Variants in ZFHX3 observed in about 807,000 individuals in gnomAD.
ZFHX3 encodes the protein zinc finger homeobox protein 3.
In ZFHX3, 42 loss-of-function variants were observed where a neutral mutation model predicts 279.1. The ratio of observed to expected loss-of-function variants is 0.15; its 90% CI spans 0.12 to 0.19. The LOEUF (loss-of-function observed/expected upper bound fraction) is 0.19, where lower values mean the gene tolerates loss of function less well. Among genes scored for constraint, ZFHX3 ranks in the 10% least tolerant of loss-of-function variants. The probability of loss-of-function intolerance (pLI) is 1.00; values close to 1 mark genes in which losing one functional copy is unlikely to be tolerated. For missense variants in ZFHX3, 4,981 were observed against 4,754.0 expected, an observed-to-expected ratio of 1.05 and a Z score of -1.40; for synonymous variants, 2,293 against 1,957.8, an observed-to-expected ratio of 1.17 and a Z score of -4.52.
At chr16:73,665,811 T>A (rs1196025875) in intron 2 of ZFHX3, among the ~76,000 whole-genome samples, 1 of 2,244 alleles carries the variant, frequency 4.5e-4, no homozygotes, top group African/African-American at 1.4e-3. Flanking sequence ...TCAATAACTT[T>A]TTTTTTTTTT....
At chr16:73,512,451 G>GA (rs11455796) in intron 2 of ZFHX3, among the ~76,000 whole-genome samples, 61,260 of 105,136 alleles carry the variant, frequency 0.58, 15,861 homozygotes, top group East Asian at 0.78. Context: ...CGTCTCAAAA[G>GA]AAAAAAAAAA....
intron 5 of ZFHX3, among the ~76,000 whole-genome samples, chr16:73,190,826 G>C (rs566495974): frequency 6.6e-6 from 1 of 152,120 alleles, no homozygotes; most frequent in Middle Eastern, 3.2e-3. Context: ...GATTATGTGT[G>C]GGGGAGAGCA....
At chr16:72,909,157 G>A (rs2039257925) in intron 3 of ZFHX3, among the ~76,000 whole-genome samples, 1 of 152,192 alleles carries the variant, frequency 6.6e-6, no homozygotes, top group Non-Finnish European at 1.5e-5. Context: ...GGAGAATAAT[G>A]TCTTAGTCCC....
At chr16:73,861,932 G>T (rs893832959) in intron 1 of ZFHX3, among the ~76,000 whole-genome samples, 12 of 152,164 alleles carry the variant, frequency 7.9e-5, no homozygotes, top group Admixed American at 2.0e-4. Flanking sequence ...TTGTCGAGAG[G>T]ACTTCTGCAG....
intron 1 of ZFHX3, among the ~76,000 whole-genome samples, chr16:72,990,237 G>T (rs1056781573): frequency 6.6e-6 from 1 of 152,176 alleles, no homozygotes; most frequent in Admixed American, 6.5e-5. Context: ...ACTGTCACTT[G>T]GCAATTTCTG....
chr16:73,644,614 T>C (rs966695203), intron 2 of ZFHX3, among the ~76,000 whole-genome samples: 8 of 152,154 alleles, frequency 5.3e-5, no homozygotes, highest in East Asian at 3.9e-4. Context: ...TGAGCCGAGA[T>C]TGTGCCACTG....
chr16:73,476,109 T>A (rs919634221), intron 2 of ZFHX3, among the ~76,000 whole-genome samples: 1 of 152,202 alleles, frequency 6.6e-6, no homozygotes, highest in Non-Finnish European at 1.5e-5. Flanking sequence ...TAACGTTCAT[T>A]GTTTTCCTGT....
chr16:72,984,556 G>C (rs1005749697), intron 1 of ZFHX3, among the ~76,000 whole-genome samples: 1 of 151,272 alleles, frequency 6.6e-6, no homozygotes, highest in Non-Finnish European at 1.5e-5. Flanking sequence ...AGCTCAAGAG[G>C]TTGAGGCTGC....
At chr16:72,939,026 G>C (rs894282026) in intron 3 of ZFHX3, among the ~76,000 whole-genome samples, 1 of 133,836 alleles carries the variant, frequency 7.5e-6, no homozygotes, top group African/African-American at 2.9e-5. Context: ...CATAGCCCTG[G>C]GACCCGCGCC....
chr16:72,828,268 A>T (rs1213731158), intron 5 of ZFHX3, among the ~76,000 whole-genome samples: 1 of 152,226 alleles, frequency 6.6e-6, no homozygotes, highest in Non-Finnish European at 1.5e-5. Flanking sequence ...AGGTTGACCA[A>T]ATAAAATCAT....
At chr16:73,443,267 T>C (rs1224217519) in intron 3 of ZFHX3, among the ~76,000 whole-genome samples, 1 of 152,160 alleles carries the variant, frequency 6.6e-6, no homozygotes, top group African/African-American at 2.4e-5. Context: ...TTGTAAAGAT[T>C]TGAAGAGCAA....
chr16:73,146,676 A>T (rs566053407), intron 5 of ZFHX3, among the ~76,000 whole-genome samples: 1 of 151,896 alleles, frequency 6.6e-6, no homozygotes, highest in African/African-American at 2.4e-5. Flanking sequence ...TATTATTATT[A>T]TTTTTTGAGA....
intron 2 of ZFHX3, among the ~76,000 whole-genome samples, chr16:73,593,404 A>G (rs2052018507): frequency 6.6e-6 from 1 of 152,202 alleles, no homozygotes; most frequent in Non-Finnish European, 1.5e-5. Context: ...AGCAACAAAT[A>G]AAAATGATAA....
intron 4 of ZFHX3, among the ~76,000 whole-genome samples, chr16:72,849,048 T>G (rs2037547579): frequency 6.6e-6 from 1 of 151,988 alleles, no homozygotes; most frequent in Non-Finnish European, 1.5e-5. Flanking sequence ...TCTAGCAAAA[T>G]TTTTCTTCCT....
At chr16:73,871,734 T>C (rs1454555162) in intron 1 of ZFHX3, among the ~76,000 whole-genome samples, 1 of 149,502 alleles carries the variant, frequency 6.7e-6, no homozygotes, top group Non-Finnish European at 1.5e-5. Flanking sequence ...AATCCCTCTT[T>C]AAAAAAAAAA....
intron 8 of ZFHX3, among the ~76,000 whole-genome samples, chr16:73,079,231 A>G (rs1459623586): frequency 6.6e-6 from 1 of 151,716 alleles, no homozygotes; most frequent in Non-Finnish European, 1.5e-5. Context: ...CTCTTATTAA[A>G]TTTATTTTTA....
intron 1 of ZFHX3, among the ~76,000 whole-genome samples, chr16:73,771,090 C>G (rs1027040254): frequency 5.9e-5 from 9 of 152,142 alleles, no homozygotes; most frequent in Non-Finnish European, 1.3e-4. Flanking sequence ...CTCCTTGGAA[C>G]ACAAAGGTCA....
chr16:73,095,015 T>C (rs1412067626), intron 7 of ZFHX3, among the ~76,000 whole-genome samples: 2 of 151,856 alleles, frequency 1.3e-5, no homozygotes, highest in Admixed American at 1.3e-4. Flanking sequence ...CAGCTCCTTC[T>C]GTGAAGTCTT....
intron 3 of ZFHX3, among the ~76,000 whole-genome samples, chr16:73,332,031 C>T (rs918034119): frequency 2.8e-4 from 42 of 152,298 alleles, no homozygotes; most frequent in Admixed American, 7.8e-4. Flanking sequence ...AACTCCATGC[C>T]TTATGCTAAG....
Sources: gnomAD v4.1 joint callset for allele counts (sites outside exome capture counted in the v4.1 genomes callset) on GRCh38, gnomAD v4.1.1 for gene constraint, MANE v1.5 for transcripts, NCBI Gene and HGNC (gene_info 2026-07-23, HGNC 2026-07-21) for gene names.